KDM4C: variants seen among roughly 807,000 people sequenced by gnomAD.
The protein encoded by KDM4C is lysine demethylase 4C, also known as lysine-specific demethylase 4C.
KDM4C carries 81 observed loss-of-function variants against 129.3 expected under a neutral mutation model. That is an observed-to-expected ratio of 0.63 (90% CI 0.52 to 0.75). The LOEUF (loss-of-function observed/expected upper bound fraction) is 0.75, where lower values mean the gene tolerates loss of function less well. Ranked by LOEUF, KDM4C falls within the 30% of genes least tolerant of loss-of-function variation. The pLI is 0.00. For missense variants in KDM4C, 1,457 were observed against 1,304.0 expected (o/e 1.12, Z -1.81); for synonymous variants, 573 against 456.1 (o/e 1.26, Z -3.26).
intron 5 of KDM4C, among the ~76,000 whole-genome samples, chr9:6,879,489 G>A (rs956382773): frequency 1.3e-5 from 2 of 152,092 alleles, no homozygotes; most frequent in Admixed American, 6.6e-5. Flanking sequence ...GAAAATTACG[G>A]TGTTCTTAGT....
At chr9:6,918,671 C>T (rs1409190195) in intron 8 of KDM4C, among the ~76,000 whole-genome samples, 6 of 152,182 alleles carry the variant, frequency 3.9e-5, no homozygotes, top group Non-Finnish European at 2.9e-5. Context: ...TACAGCCTCA[C>T]TAGCATGTAT....
chr9:7,126,213 G>A (rs1024743888), intron 18 of KDM4C, among the ~76,000 whole-genome samples: 1 of 152,124 alleles, frequency 6.6e-6, no homozygotes, highest in Non-Finnish European at 1.5e-5. Context: ...AGAAGAGGGG[G>A]AGGGAGAAAA....
intron 17 of KDM4C, among the ~76,000 whole-genome samples, chr9:7,099,452 G>T (rs1274416167): frequency 6.6e-6 from 1 of 152,160 alleles, no homozygotes; most frequent in Non-Finnish European, 1.5e-5. Context: ...TGGAAATCCA[G>T]TCCCCCAAGA....
chr9:7,169,972 A>G (rs1468341602), intron 21 of KDM4C, 82 bp downstream of exon 21: 1 of 1,599,704 alleles, frequency 6.3e-7, no homozygotes, highest in South Asian at 1.1e-5. Flanking sequence ...CCAGCAGGAA[A>G]CATACTTGGG....
intron 1 of KDM4C, among the ~76,000 whole-genome samples, chr9:6,769,148 C>G (rs139472458): frequency 3.0e-4 from 45 of 151,436 alleles, no homozygotes; most frequent in African/African-American, 1.1e-3. Flanking sequence ...TTTCTTGGGT[C>G]GTTTTTAAGT....
chr9:7,103,582 T>G (rs1289155363), intron 17 of KDM4C, 103 bp from the exon 18 acceptor site: 49 of 707,906 alleles, frequency 6.9e-5, no homozygotes, highest in East Asian at 1.0e-4. Context: ...AATCAGTTGT[T>G]TTTTTTTTTT....
At chr9:7,170,678 TG>T (rs1844866173) in intron 21 of KDM4C, 1 of 972,654 alleles carries the variant, frequency 1.0e-6, no homozygotes, top group Admixed American at 6.2e-5. Context: ...GAAATTTGAA[TG>T]GATGGGGTTT....
chr9:6,901,275 C>A (rs1031106427), intron 8 of KDM4C, among the ~76,000 whole-genome samples: 14 of 152,166 alleles, frequency 9.2e-5, no homozygotes, highest in African/African-American at 3.4e-4. Flanking sequence ...GCCCTGGCTT[C>A]CCACAGCTTC....
chr9:6,943,947 G>A (rs1261352277), intron 8 of KDM4C, among the ~76,000 whole-genome samples: 1 of 152,120 alleles, frequency 6.6e-6, no homozygotes, highest in East Asian at 1.9e-4. Context: ...GGAGATCAGT[G>A]TCAAACTCCA....
chr9:7,146,965 C>G (rs722629), intron 19 of KDM4C, among the ~76,000 whole-genome samples: 55,335 of 152,096 alleles, frequency 0.36, 10,225 homozygotes, highest in East Asian at 0.52. Flanking sequence ...GGTTTTGTCT[C>G]CTCCCTATCC....
intron 5 of KDM4C, among the ~76,000 whole-genome samples, chr9:6,868,108 G>A (rs1181182717): frequency 2.0e-5 from 3 of 151,754 alleles, no homozygotes; most frequent in Non-Finnish European, 2.9e-5. Flanking sequence ...AAGCTTTCTC[G>A]CACCAAACCC....
At chr9:6,931,355 A>G (rs2131309543) in intron 8 of KDM4C, among the ~76,000 whole-genome samples, 2 of 152,268 alleles carry the variant, frequency 1.3e-5, no homozygotes, top group South Asian at 4.1e-4. Flanking sequence ...TTTTTAGGTC[A>G]CAGTAATTTG....
chr9:6,808,590 A>T (rs1460733426), intron 3 of KDM4C, among the ~76,000 whole-genome samples: 1 of 148,614 alleles, frequency 6.7e-6, no homozygotes, highest in Non-Finnish European at 1.5e-5. Context: ...TAGGAAAACC[A>T]GAGACCTTTG....
At chr9:6,731,126 T>G (rs555133357) in intron 1 of KDM4C, among the ~76,000 whole-genome samples, 1 of 152,234 alleles carries the variant, frequency 6.6e-6, no homozygotes, top group African/African-American at 2.4e-5. Context: ...TTATTTGATA[T>G]TGAAACTCAC....
chr9:7,005,095 G>A (rs892281604), intron 12 of KDM4C, among the ~76,000 whole-genome samples: 5 of 152,164 alleles, frequency 3.3e-5, no homozygotes, highest in Non-Finnish European at 7.4e-5. Flanking sequence ...GGCTTCCTGA[G>A]TAGAAAGCAA....
intron 18 of KDM4C, chr9:7,105,615 T>G (rs1237138216): frequency 5.3e-6 from 2 of 375,564 alleles, no homozygotes; most frequent in South Asian, 2.0e-5. Flanking sequence ...AAATGCCTTT[T>G]TAGCTCATAC....
chr9:6,839,343 C>T (rs1836469222), intron 4 of KDM4C, among the ~76,000 whole-genome samples: 2 of 151,868 alleles, frequency 1.3e-5, no homozygotes, highest in African/African-American at 2.4e-5. Context: ...CATTCCCCCA[C>T]GTCAACTTTC....
intron 1 of KDM4C, among the ~76,000 whole-genome samples, chr9:6,752,065 G>C (rs942766430): frequency 1.3e-5 from 2 of 150,604 alleles, no homozygotes; most frequent in East Asian, 3.9e-4. Flanking sequence ...CGGGCGCGGT[G>C]GCTCACGCCT....
intron 17 of KDM4C, among the ~76,000 whole-genome samples, chr9:7,081,094 A>T (rs1834470662): frequency 6.6e-6 from 1 of 152,220 alleles, no homozygotes; most frequent in African/African-American, 2.4e-5. Context: ...GTAGATTCAC[A>T]TCAGGCAGGT....
Sources: allele counts gnomAD v4.1 joint callset (sites outside exome capture counted in the v4.1 genomes callset), GRCh38; gene constraint gnomAD v4.1.1; transcripts MANE v1.5; gene names NCBI Gene and HGNC (gene_info 2026-07-23, HGNC 2026-07-21).